DCAF6: variants seen among roughly 807,000 people sequenced by gnomAD.
The protein encoded by DCAF6 is DDB1- and CUL4-associated factor 6.
A neutral mutation model predicts 125.1 loss-of-function variants in DCAF6; 54 were observed. The observed-to-expected ratio is 0.43, with a 90% CI of 0.35 to 0.54. DCAF6 has a LOEUF of 0.54. Among genes scored for constraint, DCAF6 ranks in the 20% least tolerant of loss-of-function variants. DCAF6 has a pLI of 0.01. For synonymous variants in DCAF6, 371 were observed against 390.4 expected, an observed-to-expected ratio of 0.95 and a Z score of 0.58; for missense variants, 934 against 1,161.7, an observed-to-expected ratio of 0.80 and a Z score of 2.85.
At chr1:168,020,836 T>G (rs1480947614) in intron 11 of DCAF6, among the ~76,000 whole-genome samples, 1 of 152,164 alleles carries the variant, frequency 6.6e-6, no homozygotes, top group Non-Finnish European at 1.5e-5. Context: ...CTTAAAATGT[T>G]CATATGATAG....
chr1:167,983,419 C>T (rs1679497492), intron 4 of DCAF6, among the ~76,000 whole-genome samples: 1 of 152,154 alleles, frequency 6.6e-6, no homozygotes, highest in African/African-American at 2.4e-5. Flanking sequence ...GGAGTCTGTT[C>T]TTGGTTAGCT....
intron 1 of DCAF6, among the ~76,000 whole-genome samples, chr1:167,939,393 TTG>T (rs1302990918): frequency 6.6e-6 from 1 of 152,192 alleles, no homozygotes; most frequent in Non-Finnish European, 1.5e-5. Context: ...CCATCTTTTT[TTG>T]TGTGTGGCGA....
At chr1:167,988,652 A>G (rs1680366069) in intron 5 of DCAF6, among the ~76,000 whole-genome samples, 1 of 151,962 alleles carries the variant, frequency 6.6e-6, no homozygotes, top group African/African-American at 2.4e-5. Context: ...ACTGAAAGTT[A>G]CAAAAAAAAA....
intron 11 of DCAF6, among the ~76,000 whole-genome samples, chr1:168,019,029 C>G (rs1359554997): frequency 6.6e-6 from 1 of 151,876 alleles, no homozygotes; most frequent in East Asian, 1.9e-4. Flanking sequence ...GAGCAGTACA[C>G]ATGATAATGT....
At chr1:168,009,461 T>TCTCTTC (rs1553232969) in intron 10 of DCAF6, among the ~76,000 whole-genome samples, 1 of 140,690 alleles carries the variant, frequency 7.1e-6, no homozygotes, top group South Asian at 2.3e-4. Flanking sequence ...TGTCTCTCTC[T>TCTCTTC]CTTCCTTCCT....
intron 2 of DCAF6, among the ~76,000 whole-genome samples, chr1:167,953,067 A>G (rs1302718909): frequency 1.3e-5 from 2 of 152,204 alleles, no homozygotes; most frequent in Non-Finnish European, 2.9e-5. Flanking sequence ...ATTTTCTTAT[A>G]TAACCAAAAT....
chr1:168,008,598 A>T (rs1476722573), intron 10 of DCAF6, among the ~76,000 whole-genome samples: 1 of 152,150 alleles, frequency 6.6e-6, no homozygotes. Context: ...CAGATTATAT[A>T]ACTTTGCTGT....
chr1:167,960,817 G>A (rs1675475136), intron 2 of DCAF6, among the ~76,000 whole-genome samples: 1 of 152,090 alleles, frequency 6.6e-6, no homozygotes, highest in African/African-American at 2.4e-5. Context: ...ATATGTGTTG[G>A]CTAGCCCGAG....
At chr1:167,952,579 T>A (rs546645400) in intron 2 of DCAF6, among the ~76,000 whole-genome samples, 1 of 152,310 alleles carries the variant, frequency 6.6e-6, no homozygotes, top group African/African-American at 2.4e-5. Flanking sequence ...CTCTTGGTTT[T>A]CTTCCTATTT....
Position 168,050,918 on chromosome 1 carries a change from G to A in DCAF6, c.2285G>A (p.Gly762Asp). Residue 762 changes from glycine to aspartate, a missense_variant, in exon 17 of 22, where the codon GGT becomes GAT. Transcript: ENST00000367840. Reference sequence around the variant, plus strand: ...TTTAATATCAGAGGAACAACAATAGGTGATAGAATAATGAGGTAATTCAGT... The same window carrying A: ...TTTAATATCAGAGGAACAACAATAGATGATAGAATAATGAGGTAATTCAGT... ...DRFNIRGTTI[G>D]DRIMRRSAVA... The A allele has an allele frequency of 2.2e-6, 3 of 1,389,786 alleles. No homozygotes were observed. Among genetic ancestry groups the A allele is most frequent in the Non-Finnish European group, 1.9e-6 (2 of 1,048,196 alleles). 86.1% of individuals were successfully genotyped at this position (1,389,786 alleles called of 1,614,324 possible).
At chr1:167,885,807 G>A in the DCAF6 span, among the ~76,000 whole-genome samples, 1 of 151,966 alleles carries the variant, frequency 6.6e-6, no homozygotes, top group Non-Finnish European at 1.5e-5. Context: ...GTAGAGACGG[G>A]GTTTCACCAT....
At chr1:168,012,012 A>G (rs1008034286) in intron 10 of DCAF6, among the ~76,000 whole-genome samples, 2 of 152,100 alleles carry the variant, frequency 1.3e-5, no homozygotes, top group Non-Finnish European at 2.9e-5. Context: ...AAGTGGAAAT[A>G]TTAGGTCAAT....
chr1:167,902,114 T>C, the DCAF6 span: 1 of 1,491,792 alleles, frequency 6.7e-7, no homozygotes, highest in Non-Finnish European at 9.3e-7. Flanking sequence ...TAAAAAAACA[T>C]CATTCTTTCT....
chr1:167,880,624 G>A, the DCAF6 span: 2 of 1,571,492 alleles, frequency 1.3e-6, no homozygotes, highest in Non-Finnish European at 1.8e-6. Flanking sequence ...GAGGGAGAGA[G>A]ACAGCAACCA....
the DCAF6 span, among the ~76,000 whole-genome samples, chr1:167,877,419 C>T: frequency 6.6e-6 from 1 of 151,782 alleles, no homozygotes; most frequent in African/African-American, 2.4e-5. Context: ...ATAAAGACAC[C>T]TTGACCCAAC....
intron 21 of DCAF6, among the ~76,000 whole-genome samples, chr1:168,072,069 G>A (rs867561047): frequency 2.6e-5 from 4 of 151,722 alleles, no homozygotes; most frequent in South Asian, 2.1e-4. Context: ...AGGCCGAGGC[G>A]GGTAGATCAC....
the DCAF6 span, chr1:167,914,250 T>G: frequency 6.6e-6 from 1 of 152,320 alleles, no homozygotes; most frequent in Non-Finnish European, 1.5e-5. Flanking sequence ...AGTGGCCTAC[T>G]ACTGTACAAG....
At chr1:167,898,314 A>C in the DCAF6 span, among the ~76,000 whole-genome samples, 1 of 152,104 alleles carries the variant, frequency 6.6e-6, no homozygotes, top group African/African-American at 2.4e-5. Context: ...GAATGATTGA[A>C]GAGAGGCTGG....
chr1:167,973,524 C>T (rs968565326), intron 3 of DCAF6, among the ~76,000 whole-genome samples: 1 of 152,058 alleles, frequency 6.6e-6, no homozygotes, highest in Non-Finnish European at 1.5e-5. Flanking sequence ...GTCATTTCTT[C>T]TACATTTATT....
Sources: allele counts gnomAD v4.1 joint callset (sites outside exome capture counted in the v4.1 genomes callset), GRCh38; gene constraint gnomAD v4.1.1; transcripts MANE v1.5; gene names NCBI Gene and HGNC (gene_info 2026-07-23, HGNC 2026-07-21).